Variants in VOPP1 observed in about 807,000 individuals in gnomAD.
The protein encoded by VOPP1 is WW domain binding protein VOPP1.
In VOPP1, 8 loss-of-function variants were observed where a neutral mutation model predicts 23.5. The ratio of observed to expected loss-of-function variants is 0.34; its 90% CI spans 0.20 to 0.61. The LOEUF (loss-of-function observed/expected upper bound fraction) is 0.61. VOPP1 is among the 20% of genes least tolerant of loss of function. VOPP1 has a pLI of 0.78. For missense variants in VOPP1, 174 were observed against 238.1 expected (o/e 0.73, Z 1.77); for synonymous variants, 83 against 97.3 (o/e 0.85, Z 0.86).
chr7:55,457,980 A>G (rs949758880), intron 4 of VOPP1, among the ~76,000 whole-genome samples: 1 of 151,006 alleles, frequency 6.6e-6, no homozygotes, highest in African/African-American at 2.4e-5. Context: ...TGTTTTTGAG[A>G]TCTTAGCCAC....
chr7:55,436,695 C>T (rs751454272), intron 4 of VOPP1, among the ~76,000 whole-genome samples: 9 of 151,572 alleles, frequency 5.9e-5, no homozygotes, highest in Non-Finnish European at 1.0e-4. Context: ...CATGTGCATG[C>T]GTGTGTGTGC....
At chr7:55,499,274 G>A (rs1794197533) in intron 2 of VOPP1, among the ~76,000 whole-genome samples, 2 of 152,224 alleles carry the variant, frequency 1.3e-5, no homozygotes, top group South Asian at 4.1e-4. Context: ...CCAACATGGT[G>A]AAACCCTGTC....
intron 1 of VOPP1, among the ~76,000 whole-genome samples, chr7:55,544,507 G>C (rs559536394): frequency 2.0e-5 from 3 of 152,314 alleles, no homozygotes; most frequent in African/African-American, 7.2e-5. Context: ...AGAAAAGATA[G>C]TGTTTCTTGA....
chr7:55,546,828 A>G (rs1192250208), intron 1 of VOPP1, among the ~76,000 whole-genome samples: 1 of 152,250 alleles, frequency 6.6e-6, no homozygotes, highest in African/African-American at 2.4e-5. Context: ...CCGAGAGCTC[A>G]GGCCATGCAG....
intron 1 of VOPP1, among the ~76,000 whole-genome samples, chr7:55,549,140 A>G (rs1298869215): frequency 2.0e-5 from 3 of 152,190 alleles, no homozygotes; most frequent in Admixed American, 6.5e-5. Flanking sequence ...GCTAGAGACC[A>G]GGTACTCCAA....
rs1456074281 is a variant in VOPP1 at position 55,494,445 on chromosome 7, G to A, written c.192-2027C>T. On this transcript the variant is annotated intron_variant, in intron 3 of 4. Transcript: ENST00000285279. ...TCTTGTCTAAAAAATAAGCTAAAAT[G>A]TCGGTTCCACTGCCAACAGTAGTAA... 4.6e-5 allele frequency among the ~76,000 whole-genome samples: 7 copies of A among 152,218 alleles called. No individual in the cohort carries two copies. In the East Asian group the frequency reaches 9.7e-4, roughly 21 times the overall value.
At chr7:55,460,327 T>C (rs1791468185) in intron 4 of VOPP1, among the ~76,000 whole-genome samples, 1 of 152,234 alleles carries the variant, frequency 6.6e-6, no homozygotes, top group African/African-American at 2.4e-5. Context: ...ATGAGAAGAA[T>C]GTGTATTCTG....
intron 2 of VOPP1, among the ~76,000 whole-genome samples, chr7:55,513,027 G>A (rs1206738003): frequency 1.3e-5 from 2 of 152,232 alleles, no homozygotes; most frequent in Non-Finnish European, 2.9e-5. Context: ...TCACAGCAGA[G>A]AAATGAACCC....
chr7:55,495,402 C>T (rs1402109401), intron 3 of VOPP1, among the ~76,000 whole-genome samples: 2 of 152,184 alleles, frequency 1.3e-5, no homozygotes, highest in South Asian at 4.1e-4. Flanking sequence ...AGCAGAGCAG[C>T]CCCTCCCTCC....
At chr7:55,567,913 C>T (rs1362055868) in intron 1 of VOPP1, among the ~76,000 whole-genome samples, 1 of 152,160 alleles carries the variant, frequency 6.6e-6, no homozygotes, top group Admixed American at 6.5e-5. Context: ...GCACAAAAGA[C>T]ATTTGGCAAG....
At chr7:55,505,557 TAA>T (rs1329067616) in intron 2 of VOPP1, among the ~76,000 whole-genome samples, 1 of 150,216 alleles carries the variant, frequency 6.7e-6, no homozygotes, top group South Asian at 2.1e-4. Context: ...GCATCGGGAT[TAA>T]AAAAATGGGC....
chr7:55,564,451 G>A (rs1214759050), intron 1 of VOPP1, among the ~76,000 whole-genome samples: 1 of 152,114 alleles, frequency 6.6e-6, no homozygotes, highest in Non-Finnish European at 1.5e-5. Flanking sequence ...AGTATTAAAA[G>A]TCAAGCTGTC....
intron 4 of VOPP1, 88 bp from the exon 5 acceptor site, chr7:55,473,133 G>A (rs891107713): frequency 3.4e-5 from 51 of 1,515,014 alleles, no homozygotes; most frequent in African/African-American, 5.7e-5. Context: ...AGCAGACCAC[G>A]CCCCGTCATT....
At position 55,471,518 on chromosome 7, in the gene VOPP1, C is replaced by T. The variant is rs1349054245; in HGVS notation, c.*1337G>A. On this transcript the variant is annotated 3_prime_UTR_variant, in exon 5 of 5. Coordinates refer to ENST00000285279, the MANE Select transcript of VOPP1 (RefSeq NM_030796.5). Reference sequence around the variant, plus strand: ...CCCCACCTCATTCCCCGTGATACAGCACATCTAGTAATCTAGGCGCCTCAG... The same window carrying T: ...CCCCACCTCATTCCCCGTGATACAGTACATCTAGTAATCTAGGCGCCTCAG... The T allele has an allele frequency of 6.6e-6, 1 of 151,748 alleles. No individual in the cohort carries two copies. The allele number at this position is 151,748 out of a possible 1,614,324, so 9.4% of individuals were successfully genotyped here.
rs111780382 is a variant in VOPP1 at position 55,441,348 on chromosome 7, C to T, written n.418-5174G>A. Among the ~76,000 whole-genome samples the T allele has an allele frequency of 9.9e-3, 1,512 of 152,292 alleles. 22 individuals are homozygous for T. The highest frequency in any genetic ancestry group is 0.033 in the African/African-American group (1,369 of 41,556). On this transcript the variant is annotated intron_variant and non_coding_transcript_variant, in intron 4 of 4. Transcript: ENST00000462326. Reference sequence around the variant, plus strand: ...TCCCCCAACTTGAAAAGCATGAGGGCGTCACAGACATCATCTGCTGATGCC... The same window carrying T: ...TCCCCCAACTTGAAAAGCATGAGGGTGTCACAGACATCATCTGCTGATGCC...
Position 55,491,466 on chromosome 7 carries a change from G to A in VOPP1, c.328+816C>T, listed in dbSNP as rs991447682. On this transcript the variant is annotated intron_variant, in intron 4 of 4. Coordinates refer to ENST00000285279, the MANE Select transcript of VOPP1 (RefSeq NM_030796.5). ...TGGAAACTGTGGCTGGGAGCATGGC[G>A]GTGCAGACATCAGCAACACCCCTCT... 9.2e-5 allele frequency among the ~76,000 whole-genome samples: 14 copies of A among 152,224 alleles called. No individual in the cohort carries two copies. In the South Asian group the frequency reaches 2.5e-3, roughly 27 times the overall value.
At chr7:55,563,150 G>A (rs144661463) in intron 1 of VOPP1, among the ~76,000 whole-genome samples, 1,665 of 151,976 alleles carry the variant, frequency 0.011, 11 homozygotes, top group Middle Eastern at 0.024. Context: ...ATTTTTTGGA[G>A]GTATATCTGA....
At chr7:55,486,715 A>T (rs1278833528) in intron 4 of VOPP1, among the ~76,000 whole-genome samples, 1 of 152,238 alleles carries the variant, frequency 6.6e-6, no homozygotes, top group East Asian at 1.9e-4. Context: ...GGTAGCCATG[A>T]GAATGTATGA....
At chr7:55,523,542 G>A (rs1796000580) in intron 1 of VOPP1, among the ~76,000 whole-genome samples, 1 of 152,174 alleles carries the variant, frequency 6.6e-6, no homozygotes, top group South Asian at 2.1e-4. Flanking sequence ...TGCCTGCCCT[G>A]ACTCTCAGAC....
Sources: gnomAD v4.1 joint callset for allele counts (sites outside exome capture counted in the v4.1 genomes callset) on GRCh38, gnomAD v4.1.1 for gene constraint, MANE v1.5 for transcripts, NCBI Gene and HGNC (gene_info 2026-07-23, HGNC 2026-07-21) for gene names.